P2RX1: variants seen among roughly 807,000 people sequenced by gnomAD.
The protein encoded by P2RX1 is P2X purinoceptor 1.
P2RX1 carries 42 observed loss-of-function variants against 50.3 expected under a neutral mutation model. The ratio of observed to expected loss-of-function variants is 0.83; its 90% confidence interval spans 0.65 to 1.08. The LOEUF is 1.08. Among genes scored for constraint, P2RX1 ranks in the 50% least tolerant of loss-of-function variants. The pLI is 0.00. For missense variants in P2RX1, 449 were observed against 529.0 expected (o/e 0.85, Z 1.48); for synonymous variants, 199 against 202.6 (o/e 0.98, Z 0.15).
At chr17:3,904,951 A>T in intron 2 of P2RX1, 22 bp from the exon 3 acceptor site, 6 of 159,536 alleles carry the variant, frequency 3.8e-5, no homozygotes, top group Non-Finnish European at 7.8e-5. Flanking sequence ...GGGCAGGGGG[A>T]GGGTGGGGTG....
intron 1 of P2RX1, 77 bp from the exon 2 acceptor site, chr17:3,905,444 C>A (rs2056245720): frequency 1.3e-6 from 2 of 1,536,222 alleles, no homozygotes; most frequent in Admixed American, 3.4e-5. Context: ...CACGCCCTCC[C>A]CAGATGTGCC....
intron 10 of P2RX1, 87 bp from the exon 11 acceptor site, chr17:3,898,197 G>T: frequency 1.7e-6 from 2 of 1,191,728 alleles, no homozygotes; most frequent in South Asian, 1.2e-5. Flanking sequence ...CCCTGGTGGT[G>T]AGGCCCTGGC....
At chr17:3,911,190 G>T (rs1263865809) in intron 1 of P2RX1, among the ~76,000 whole-genome samples, 2 of 150,462 alleles carry the variant, frequency 1.3e-5, no homozygotes, top group African/African-American at 2.5e-5. Flanking sequence ...GCCTCACTGT[G>T]TTGGCCAGGC....
In P2RX1 at chr17:3,907,237, C is replaced by G. The variant is rs112485004; in HGVS notation, c.138-1870G>C. On this transcript the variant is annotated intron_variant, in intron 1 of 11. Transcript: ENST00000225538. ...AAATAGTCCTGGATAACACTCCTCT[C>G]CAGGCTGTGGCCCCTTCCTCGAGGA... is the stretch of plus-strand genomic sequence containing the variant. Among the ~76,000 whole-genome samples, 885 of 151,922 alleles carry G rather than the reference C, an allele frequency of 5.8e-3. 9 individuals are homozygous for G. Among genetic ancestry groups the G allele is most frequent in the African/African-American group, 0.02 (832 of 41,382 alleles).
chr17:3,897,924 G>T (rs371905963), intron 11 of P2RX1, 45 bp from the exon 12 acceptor site: 4 of 1,611,574 alleles, frequency 2.5e-6, no homozygotes, highest in Non-Finnish European at 3.4e-6. Flanking sequence ...TCAGTGCTGG[G>T]GAAGCAGCTG....
chr17:3,898,603 G>T, intron 9 of P2RX1, 54 bp from the exon 10 acceptor site: 1 of 1,396,412 alleles, frequency 7.2e-7, no homozygotes, highest in Non-Finnish European at 1.0e-6. Flanking sequence ...GGCCCAGCTG[G>T]AAAAGGCCGG....
At chr17:3,898,450 C>A in intron 10 of P2RX1, 34 bp downstream of exon 10, 1 of 1,570,420 alleles carries the variant, frequency 6.4e-7, no homozygotes, top group Non-Finnish European at 8.8e-7. Context: ...AGGGGCCAAC[C>A]CCAGCACAGT....
intron 1 of P2RX1, chr17:3,915,299 C>G (rs1465868193): frequency 2.7e-6 from 1 of 376,514 alleles, no homozygotes; most frequent in Non-Finnish European, 5.3e-6. Context: ...GCCATATGTA[C>G]ACATAAGGGT....
chr17:3,902,021 G>A (rs1380825761), intron 7 of P2RX1, among the ~76,000 whole-genome samples: 3 of 152,208 alleles, frequency 2.0e-5, no homozygotes, highest in Non-Finnish European at 4.4e-5. Context: ...CTAGTTCTGC[G>A]CTCATAGGGA....
At chr17:3,912,909 A>G (rs1445629360) in intron 1 of P2RX1, among the ~76,000 whole-genome samples, 1 of 152,132 alleles carries the variant, frequency 6.6e-6, no homozygotes, top group Non-Finnish European at 1.5e-5. Flanking sequence ...GTGGAGGCGC[A>G]GGGGATGAGT....
intron 1 of P2RX1, among the ~76,000 whole-genome samples, chr17:3,908,777 A>G (rs991710040): frequency 5.3e-5 from 8 of 151,988 alleles, no homozygotes; most frequent in South Asian, 2.1e-4. Flanking sequence ...GGGCTCTCCA[A>G]TGGCCTTCTC....
Position 3,909,548 on chromosome 17 carries a change from A to G in P2RX1, c.138-4181T>C, listed in dbSNP as rs113604252. 1.1e-3 allele frequency among the ~76,000 whole-genome samples: 161 copies of G among 152,226 alleles called. 2 individuals are homozygous for G. The highest frequency in any genetic ancestry group is 3.7e-3 in the African/African-American group (153 of 41,540). On this transcript the variant is annotated intron_variant, in intron 1 of 11. Coordinates refer to ENST00000225538, the MANE Select transcript of P2RX1 (RefSeq NM_002558.4). ...CCTGAGATTCAATTCCACACATTCA[A>G]TCATTCAACAAACATGAGCCGGGTG...
intron 10 of P2RX1, 100 bp downstream of exon 10, chr17:3,898,384 T>A: frequency 1.0e-6 from 1 of 964,024 alleles, no homozygotes; most frequent in Non-Finnish European, 1.7e-6. Flanking sequence ...TGATAGACAG[T>A]TAGGGTCAAG....
In P2RX1 at chr17:3,907,258, G is replaced by A. The variant is rs574181086; in HGVS notation, c.138-1891C>T. 6.0e-5 allele frequency among the ~76,000 whole-genome samples: 9 copies of A among 149,418 alleles called. No individual in the cohort carries two copies. The South Asian group carries it at 1.3e-3, about 21-fold the overall frequency. ...CTCTCCAGGCTGTGGCCCCTTCCTC[G>A]AGGAAAGACTCTTTTTGGAGATTCA... On this transcript the variant is annotated intron_variant, in intron 1 of 11. Coordinates refer to ENST00000225538, the MANE Select transcript of P2RX1 (RefSeq NM_002558.4).
intron 1 of P2RX1, among the ~76,000 whole-genome samples, chr17:3,913,999 T>C (rs1169985840): frequency 2.0e-5 from 3 of 152,164 alleles, no homozygotes; most frequent in Non-Finnish European, 4.4e-5. Flanking sequence ...AGTGCAGTAC[T>C]GAGCAGTGGC....
chr17:3,905,826 G>A (rs1387633266), intron 1 of P2RX1, among the ~76,000 whole-genome samples: 5 of 138,722 alleles, frequency 3.6e-5, no homozygotes, highest in African/African-American at 8.2e-5. Context: ...CAGCCTGGGC[G>A]ACAAGAGCAA....
chr17:3,901,708 C>T (rs1261631803), intron 7 of P2RX1, among the ~76,000 whole-genome samples: 2 of 152,234 alleles, frequency 1.3e-5, no homozygotes, highest in East Asian at 3.8e-4. Context: ...CAGGCAACTG[C>T]AAGGGCAGGA....
intron 10 of P2RX1, 69 bp downstream of exon 10, chr17:3,898,415 T>A: frequency 8.0e-7 from 1 of 1,253,056 alleles, no homozygotes; most frequent in Non-Finnish European, 1.2e-6. Context: ...AGGGACGTCT[T>A]GCTGCTACTG....
intron 3 of P2RX1, 60 bp from the exon 4 acceptor site, chr17:3,904,459 CT>C: frequency 6.9e-7 from 1 of 1,447,574 alleles, no homozygotes; most frequent in Non-Finnish European, 9.6e-7. Flanking sequence ...AGAAGAGCCC[CT>C]CTCCCCACCC....
Sources: allele counts gnomAD v4.1 joint callset (sites outside exome capture counted in the v4.1 genomes callset), GRCh38; gene constraint gnomAD v4.1.1; transcripts MANE v1.5; gene names NCBI Gene and HGNC (gene_info 2026-07-23, HGNC 2026-07-21).